Variants in SP2 observed in about 807,000 individuals in gnomAD.
The protein encoded by SP2 is transcription factor Sp2.
In SP2, 9 loss-of-function variants were observed where a neutral mutation model predicts 50.1. The observed-to-expected ratio is 0.18, with a 90% CI of 0.11 to 0.31. The LOEUF is 0.31. Among genes scored for constraint, SP2 ranks in the 10% least tolerant of loss-of-function variants. SP2 has a pLI of 1.00. For synonymous variants in SP2, 313 were observed against 326.6 expected (o/e 0.96, Z 0.45); for missense variants, 581 against 806.5 (o/e 0.72, Z 3.39).
chr17:47,912,111 A>G (rs1160599778), intron 1 of SP2, among the ~76,000 whole-genome samples: 2 of 152,234 alleles, frequency 1.3e-5, no homozygotes, highest in Non-Finnish European at 2.9e-5. Context: ...CCTACAAAAA[A>G]GAAACAGATT....
At chr17:47,917,277 C>T in intron 3 of SP2, 147 bp downstream of exon 3, 1 of 732,212 alleles carries the variant, frequency 1.4e-6, no homozygotes, top group Non-Finnish European at 2.3e-6. Flanking sequence ...CCGTTTCTAC[C>T]TGACAAATGG....
intron 3 of SP2, among the ~76,000 whole-genome samples, chr17:47,920,124 T>C (rs558655776): frequency 6.6e-6 from 1 of 152,128 alleles, no homozygotes; most frequent in Non-Finnish European, 1.5e-5. Flanking sequence ...CTTTGGCCAT[T>C]GGCAGCTCTT....
Position 47,924,905 on chromosome 17 carries a change from C to CT in SP2, c.1373-11dup. 3 of 1,574,458 alleles carry CT rather than the reference C, an allele frequency of 1.9e-6. No individual in the cohort carries two copies. The South Asian group carries it at 3.4e-5, about 18-fold the overall frequency. ...CTTCCTCACCCTGAACTCTGCCCCT[C>CT]TTTGTCCCCACAGGGCAGCAGCAGC... On this transcript the variant is annotated splice_polypyrimidine_tract_variant and intron_variant, in intron 4 of 6. Transcript: ENST00000376741.
At chr17:47,904,844 A>G (rs1463850549) in intron 1 of SP2, among the ~76,000 whole-genome samples, 1 of 152,186 alleles carries the variant, frequency 6.6e-6, no homozygotes, top group East Asian at 1.9e-4. Flanking sequence ...ATCATGGCTC[A>G]CTGCAGCCTC....
chr17:47,899,752 G>A (rs1214748295), intron 1 of SP2: 1 of 152,240 alleles, frequency 6.6e-6, no homozygotes, highest in Non-Finnish European at 1.5e-5. Context: ...GGCTGCCACT[G>A]GCACAGGGGA....
At chr17:47,927,652 C>A in intron 6 of SP2, 72 bp from the exon 7 acceptor site, 1 of 1,015,826 alleles carries the variant, frequency 9.8e-7, no homozygotes. Context: ...ACCTCACACG[C>A]ACCCCACCTT....
At chr17:47,930,935 T>C (rs947114006), downstream of SP2, among the ~76,000 whole-genome samples, 12 of 152,198 alleles carry the variant, frequency 7.9e-5, no homozygotes, top group South Asian at 8.3e-4. Flanking sequence ...CTGGGCAGGA[T>C]TTCCCTCCCA....
In SP2 at chr17:47,897,884, G is replaced by A. The variant is rs768929727; in HGVS notation, c.7+1591G>A. 6.4e-5 allele frequency: 63 copies of A among 983,556 alleles called. 1 individual carries two copies. Among genetic ancestry groups the A allele is most frequent in the Non-Finnish European group, 7.5e-5 (62 of 828,238 alleles). The allele number at this position is 983,556 out of a possible 1,614,324, so 60.9% of individuals were successfully genotyped here. A position where few individuals can be genotyped will look rare whatever the true frequency, so the allele number is the denominator to read the frequency against. On this transcript the variant is annotated intron_variant, in intron 1 of 6. Coordinates refer to ENST00000376741, the MANE Select transcript of SP2 (RefSeq NM_003110.6). ...AGTGTTCCAGTGGCTTCTAACAGGC[G>A]TTAATACCTGTTGGAAATGGATTAT...
chr17:47,923,355 T>C, intron 4 of SP2, 81 bp downstream of exon 4: 1 of 1,192,274 alleles, frequency 8.4e-7, no homozygotes, highest in Non-Finnish European at 1.2e-6. Context: ...GCCCCGGGAT[T>C]TCCAGTAACA....
At chr17:47,930,959 G>A (rs2035806478), downstream of SP2, among the ~76,000 whole-genome samples, 1 of 152,100 alleles carries the variant, frequency 6.6e-6, no homozygotes, top group African/African-American at 2.4e-5. Context: ...GCAAATCCAG[G>A]CATTATATGT....
intron 1 of SP2, chr17:47,897,911 A>C: frequency 1.0e-6 from 1 of 976,902 alleles, no homozygotes; most frequent in Non-Finnish European, 1.2e-6. Context: ...ATGGATTATC[A>C]TTGGCTGGGA....
chr17:47,909,954 TCTC>T (rs1284741290), intron 1 of SP2, among the ~76,000 whole-genome samples: 21 of 152,180 alleles, frequency 1.4e-4, no homozygotes, highest in Non-Finnish European at 2.8e-4. Flanking sequence ...TTCAAACAAT[TCTC>T]CTGCTTCAGC....
chr17:47,921,916 A>G (rs142887003), intron 3 of SP2, among the ~76,000 whole-genome samples: 1 of 152,350 alleles, frequency 6.6e-6, no homozygotes, highest in African/African-American at 2.4e-5. Flanking sequence ...TGCAATGTCT[A>G]CGTAGATAGA....
In SP2 at chr17:47,927,888, G is replaced by T; in HGVS notation, c.*64G>T. ...CACCTGTGTCCTCCCTGGGCCCCTGGTGGAAAGGAGCCCTGTGGCTGCCTT... is the reference window on the plus strand; with the variant it reads ...CACCTGTGTCCTCCCTGGGCCCCTGTTGGAAAGGAGCCCTGTGGCTGCCTT... On this transcript the variant is annotated 3_prime_UTR_variant, in exon 7 of 7. Coordinates refer to ENST00000376741, the MANE Select transcript of SP2 (RefSeq NM_003110.6). 9.9e-7 allele frequency: 1 copy of T among 1,006,088 alleles called. No individual in the cohort carries two copies. Among genetic ancestry groups the T allele is most frequent in the Non-Finnish European group, 1.5e-6 (1 of 650,336 alleles). The allele number at this position is 1,006,088 out of a possible 1,614,324, so 62.3% of individuals were successfully genotyped here. A position where few individuals can be genotyped will look rare whatever the true frequency, so the allele number is the denominator to read the frequency against.
chr17:47,918,363 C>G (rs1169339163), intron 3 of SP2: 1 of 152,126 alleles, frequency 6.6e-6, no homozygotes, highest in South Asian at 2.1e-4. Context: ...ATGATCAGAC[C>G]TACCCTACAG....
Position 47,916,905 on chromosome 17 carries a change from C to T in SP2, c.834C>T (p.Ile278=), listed in dbSNP as rs775393015. The change falls in exon 3 of 7, where the codon ATC becomes ATT. Residue 278 remains isoleucine, a synonymous_variant. Transcript: ENST00000376741. The surrounding 1 kb of genome is among the most constrained non-coding windows in gnomAD (Gnocchi z 4.7). ...VLIETTADNI[I]QAGNNLLIVQ... ...TCGAGACCACCGCGGACAACATCAT[C>T]CAGGCAGGAAATAACCTGCTCATTG... The T allele has an allele frequency of 8.7e-6, 14 of 1,614,104 alleles. No individual in the cohort carries two copies. The highest frequency in any genetic ancestry group is 5.3e-5 in the African/African-American group (4 of 74,940).
At chr17:47,896,419 C>T (rs1024916981) in intron 1 of SP2, 126 bp downstream of exon 1, 31 of 805,522 alleles carry the variant, frequency 3.8e-5, no homozygotes, top group Admixed American at 8.6e-5. Flanking sequence ...GCGTCGGGGC[C>T]CGGCTTCAGG....
rs1211533902 is a variant in SP2, at chr17:47,911,465, A to G, written c.8-3847A>G. 3.3e-5 allele frequency among the ~76,000 whole-genome samples: 5 copies of G among 150,358 alleles called. No homozygotes were observed. In the East Asian group the frequency reaches 9.8e-4, roughly 29 times the overall value. Reference sequence around the variant, plus strand: ...GAGGCAGAGGTTGCAGTGAACCAAGATCATGCACCCCAGCCTGGGCAACAG... The same window carrying G: ...GAGGCAGAGGTTGCAGTGAACCAAGGTCATGCACCCCAGCCTGGGCAACAG... On this transcript the variant is annotated intron_variant, in intron 1 of 6. Coordinates refer to ENST00000376741, the MANE Select transcript of SP2 (RefSeq NM_003110.6).
chr17:47,927,669 C>A, intron 6 of SP2, 55 bp from the exon 7 acceptor site: 2 of 1,271,458 alleles, frequency 1.6e-6, no homozygotes, highest in Non-Finnish European at 2.2e-6. Context: ...CCTTTTTGGG[C>A]AGAGACAGGG....
Sources: allele counts gnomAD v4.1 joint callset (sites outside exome capture counted in the v4.1 genomes callset), GRCh38; gene constraint gnomAD v4.1.1; non-coding constraint Gnocchi (gnomAD v3.1); transcripts MANE v1.5; gene names NCBI Gene and HGNC (gene_info 2026-07-23, HGNC 2026-07-21).